EZR: variants seen among roughly 807,000 people sequenced by gnomAD.
The protein encoded by EZR is cytovillin 2.
A neutral mutation model predicts 74.8 loss-of-function variants in EZR; 40 were observed. That is an observed-to-expected ratio of 0.53 (90% confidence interval 0.42 to 0.70). EZR has a LOEUF of 0.70. EZR is among the 30% of genes least tolerant of loss of function. The pLI is 0.00. For missense variants in EZR, 678 were observed against 755.8 expected (o/e 0.90, Z 1.21); for synonymous variants, 341 against 283.3 (o/e 1.20, Z -2.05).
rs1791485909 is a variant in EZR, at chr6:158,783,505, T to A, written c.698+15A>T. On this transcript the variant is annotated intron_variant, in intron 7 of 13. Transcript: ENST00000367075. ...CCACCCTACCTACTGAAGATAACTG[T>A]GAACTTCAACTCACTTATCATCTTT... 1 of 1,607,134 alleles carries A rather than the reference T, an allele frequency of 6.2e-7. No individual in the cohort carries two copies. Among genetic ancestry groups the A allele is most frequent in the African/African-American group, 1.3e-5 (1 of 74,484 alleles).
chr6:158,792,684 G>A (rs1015602570), intron 2 of EZR, among the ~76,000 whole-genome samples: 5 of 151,858 alleles, frequency 3.3e-5, no homozygotes, highest in Non-Finnish European at 5.9e-5. Context: ...CCAGGTGTGC[G>A]GGCGCCTGTA....
intron 2 of EZR, among the ~76,000 whole-genome samples, chr6:158,798,518 T>C (rs1777120475): frequency 1.3e-5 from 2 of 152,138 alleles, no homozygotes; most frequent in Non-Finnish European, 2.9e-5. Context: ...CCCTCACTGC[T>C]TCTGGGCGCT....
intron 2 of EZR, among the ~76,000 whole-genome samples, chr6:158,800,942 C>T (rs1777175009): frequency 6.6e-6 from 1 of 152,192 alleles, no homozygotes; most frequent in Non-Finnish European, 1.5e-5. Flanking sequence ...ATGACCTCTT[C>T]TTTTAAGGTT....
rs1026916452 is a variant in EZR at position 158,805,487 on chromosome 6, A to T, written c.12+12595T>A. On this transcript the variant is annotated intron_variant, in intron 2 of 13. Coordinates refer to ENST00000367075, the MANE Select transcript of EZR (RefSeq NM_001111077.2). ...TAAGATCACATGAGCAATATTATAC[A>T]ATGTTAAAGAACATTTCTCCTGTAA... Among the ~76,000 whole-genome samples, 5 of 152,298 alleles carry T rather than the reference A, an allele frequency of 3.3e-5. 1 individual carries two copies. Among genetic ancestry groups the T allele is most frequent in the Admixed American group, 3.3e-4 (5 of 15,308 alleles).
chr6:158,789,709 C>T (rs916890225), intron 2 of EZR, among the ~76,000 whole-genome samples: 4 of 152,218 alleles, frequency 2.6e-5, no homozygotes, highest in African/African-American at 7.2e-5. Context: ...TCATGATCTC[C>T]CAGGCTCACA....
At chr6:158,805,078 T>C (rs1777305263) in intron 2 of EZR, among the ~76,000 whole-genome samples, 1 of 151,752 alleles carries the variant, frequency 6.6e-6, no homozygotes. Context: ...ATCTTGGGAG[T>C]GAGAAGGTGA....
rs138342504 is a variant in EZR, at chr6:158,769,169, G to A, written c.1344+157C>T. Among the ~76,000 whole-genome samples, 247 of 152,296 alleles carry A rather than the reference G, an allele frequency of 1.6e-3. 1 individual carries two copies. The highest frequency in any genetic ancestry group is 5.6e-3 in the African/African-American group (233 of 41,564). On this transcript the variant is annotated intron_variant, in intron 12 of 13. Transcript: ENST00000367075. ...CTACTTCAGTAGTACAGCTGGTATT[G>A]GCAGAGGATCATGAGACATCCCAGA...
At chr6:158,812,427 A>G (rs1777468908) in intron 2 of EZR, among the ~76,000 whole-genome samples, 1 of 152,176 alleles carries the variant, frequency 6.6e-6, no homozygotes, top group Non-Finnish European at 1.5e-5. Context: ...CTCACCCTAG[A>G]GATGGAAGTC....
At chr6:158,786,809 T>C (rs559462528) in intron 4 of EZR, among the ~76,000 whole-genome samples, 4 of 152,350 alleles carry the variant, frequency 2.6e-5, no homozygotes, top group African/African-American at 9.6e-5. Context: ...TCTTACAAGA[T>C]GGTGGATGAT....
At chr6:158,791,229 C>T (rs2128571777) in intron 2 of EZR, among the ~76,000 whole-genome samples, 1 of 152,294 alleles carries the variant, frequency 6.6e-6, no homozygotes, top group Admixed American at 6.5e-5. Context: ...AAGTTTTCTC[C>T]ACAATCCCCA....
At chr6:158,782,241 T>C (rs1791451986) in intron 7 of EZR, among the ~76,000 whole-genome samples, 1 of 152,102 alleles carries the variant, frequency 6.6e-6, no homozygotes, top group South Asian at 2.1e-4. Flanking sequence ...CTGGCACAGG[T>C]CCCTGACTTG....
intron 10 of EZR, 42 bp from the exon 11 acceptor site, chr6:158,769,986 A>T (rs376779838): frequency 4.9e-5 from 79 of 1,599,748 alleles, no homozygotes; most frequent in Non-Finnish European, 6.3e-5. Context: ...CCCTCAGCCC[A>T]GGGACCTAGG....
intron 1 of EZR, among the ~76,000 whole-genome samples, chr6:158,819,062 G>C (rs1383988743): frequency 1.3e-5 from 2 of 152,144 alleles, no homozygotes; most frequent in Non-Finnish European, 2.9e-5. Context: ...GAGCCGCCGA[G>C]GGACGGCGCC....
At chr6:158,791,190 G>A (rs1791735904) in intron 2 of EZR, among the ~76,000 whole-genome samples, 1 of 152,114 alleles carries the variant, frequency 6.6e-6, no homozygotes, top group South Asian at 2.1e-4. Flanking sequence ...AACAAGTACA[G>A]AAGTATCGTT....
chr6:158,782,296 C>T (rs1028709835), intron 7 of EZR, among the ~76,000 whole-genome samples: 7 of 152,174 alleles, frequency 4.6e-5, no homozygotes, highest in African/African-American at 1.7e-4. Flanking sequence ...CAGGAATCCG[C>T]GTGGTTGCAA....
chr6:158,786,239 T>C (rs926134154), intron 4 of EZR, among the ~76,000 whole-genome samples: 1 of 152,020 alleles, frequency 6.6e-6, no homozygotes, highest in African/African-American at 2.4e-5. Flanking sequence ...CCGGGCATGA[T>C]GGCATGCAGC....
chr6:158,772,657 T>C (rs1046096412), intron 8 of EZR, among the ~76,000 whole-genome samples: 3 of 152,186 alleles, frequency 2.0e-5, no homozygotes, highest in Admixed American at 2.0e-4. Flanking sequence ...CTGCTGTGAT[T>C]AGCTTACAAG....
Position 158,767,418 on chromosome 6 carries a change from G to A in EZR, c.1439C>T (p.Pro480Leu), listed in dbSNP as rs147792801. 2.6e-4 allele frequency: 424 copies of A among 1,613,730 alleles called. No individual in the cohort carries two copies. The highest frequency in any genetic ancestry group is 3.3e-4 in the Non-Finnish European group (386 of 1,179,918). The change falls in exon 13 of 14, where the codon CCG becomes CTG. Residue 480 changes from proline (P) to leucine (L), a missense_variant. Pro to Leu is a moderately conservative substitution (Grantham distance 98). Coordinates refer to ENST00000367075, the MANE Select transcript of EZR (RefSeq NM_001111077.2). Reference protein sequence around the residue: ...PPPPPPPVYEPVSYHVQESLQ... With the variant: ...PPPPPPPVYELVSYHVQESLQ... ...GCTCTCCTGGACATGGTAGCTCACC[G>A]GCTCGTACACGGGGGGTGGTGGGGG...
At chr6:158,802,736 TA>T (rs34846636) in intron 2 of EZR, among the ~76,000 whole-genome samples, 79,765 of 151,886 alleles carry the variant, frequency 0.53, 21,881 homozygotes, top group Non-Finnish European at 0.61. Flanking sequence ...TTCACCATGT[TA>T]AGTTAGATGG....
Sources: gnomAD v4.1 joint callset for allele counts (sites outside exome capture counted in the v4.1 genomes callset) on GRCh38, gnomAD v4.1.1 for gene constraint, MANE v1.5 for transcripts, NCBI Gene and HGNC (gene_info 2026-07-23, HGNC 2026-07-21) for gene names.